The following SERINC5 variants were observed in gnomAD, a reference collection of about 807,000 sequenced individuals.
SERINC5 encodes chromosome 5 open reading frame 12.
A neutral mutation model predicts 63.1 loss-of-function variants in SERINC5; 41 were observed. The ratio of observed to expected loss-of-function variants is 0.65; its 90% CI spans 0.51 to 0.84. The LOEUF is 0.84. Ranked by LOEUF, SERINC5 falls within the 40% of genes least tolerant of loss-of-function variation. SERINC5 has a pLI of 0.00. For synonymous variants in SERINC5, 222 were observed against 215.2 expected, an observed-to-expected ratio of 1.03 and a Z score of -0.28; for missense variants, 523 against 573.0, an observed-to-expected ratio of 0.91 and a Z score of 0.89.
At chr5:80,131,380 C>T (rs1245520813) in intron 11 of SERINC5, among the ~76,000 whole-genome samples, 1 of 152,214 alleles carries the variant, frequency 6.6e-6, no homozygotes, top group Non-Finnish European at 1.5e-5. Flanking sequence ...ATCAATTAAA[C>T]CTTTTTCATT....
chr5:80,180,343 G>A (rs944965039), intron 2 of SERINC5, among the ~76,000 whole-genome samples: 1 of 152,054 alleles, frequency 6.6e-6, no homozygotes, highest in Non-Finnish European at 1.5e-5. Flanking sequence ...GAAAAATAAA[G>A]TATCACAGAG....
At chr5:80,173,245 GGAAGGAAGGA>G (rs879626399) in intron 5 of SERINC5, among the ~76,000 whole-genome samples, 2,012 of 143,704 alleles carry the variant, frequency 0.014, 39 homozygotes, top group African/African-American at 0.045. Context: ...AAGGAAGGAA[GGAAGGAAGGA>G]AGGAAGGAAG....
At chr5:80,157,029 G>T (rs1351068530) in intron 8 of SERINC5, 2 of 118,766 alleles carry the variant, frequency 1.7e-5, no homozygotes, top group African/African-American at 3.3e-5. Flanking sequence ...AGTTTCTCTC[G>T]TTACCCAGGC....
chr5:80,194,853 C>G (rs1359009359), intron 2 of SERINC5, among the ~76,000 whole-genome samples: 1 of 152,196 alleles, frequency 6.6e-6, no homozygotes, highest in Non-Finnish European at 1.5e-5. Context: ...GCCAGGCGAC[C>G]AGCAGCCCTG....
intron 1 of SERINC5, among the ~76,000 whole-genome samples, chr5:80,229,938 C>T (rs568424183): frequency 2.6e-5 from 4 of 152,132 alleles, no homozygotes; most frequent in East Asian, 1.9e-4. Context: ...TCAGTGTGCT[C>T]GAAAAGGAAG....
chr5:80,180,472 T>C (rs961893998), intron 2 of SERINC5, among the ~76,000 whole-genome samples: 11 of 152,198 alleles, frequency 7.2e-5, no homozygotes, highest in African/African-American at 2.7e-4. Context: ...ACGATTTCCA[T>C]AAACAAATGT....
chr5:80,175,169 T>C, intron 4 of SERINC5, 122 bp from the exon 5 acceptor site: 2 of 615,370 alleles, frequency 3.3e-6, no homozygotes, highest in South Asian at 2.1e-5. Flanking sequence ...CACACAACCA[T>C]ATAAGATATG....
chr5:80,148,189 C>CTTTTTTTTTTTTTTTTTTTTTTTTTT (rs796769914), intron 9 of SERINC5, among the ~76,000 whole-genome samples: 1 of 102,334 alleles, frequency 9.8e-6, no homozygotes, highest in African/African-American at 3.8e-5. Context: ...ATTTTTTATT[C>CTTTTTTTTTTTTTTTTTTTTTTTTTT]TTTTTTTTTT....
At chr5:80,161,036 GTATATATATA>G (rs538888494) in intron 7 of SERINC5, among the ~76,000 whole-genome samples, 20 of 124,848 alleles carry the variant, frequency 1.6e-4, no homozygotes, top group African/African-American at 7.7e-4. Context: ...ATACACACGT[GTATATATATA>G]TATGTATGTA....
At chr5:80,134,597 T>TGGAGGTTAGGAACAAATCA (rs1745082482), downstream of SERINC5, among the ~76,000 whole-genome samples, 2 of 152,236 alleles carry the variant, frequency 1.3e-5, no homozygotes, top group Admixed American at 1.3e-4. Context: ...AAGGACAGCT[T>TGGAGGTTAGGAACAAATCA]GGAGGTTAGG....
intron 1 of SERINC5, among the ~76,000 whole-genome samples, chr5:80,232,961 G>A (rs1235026551): frequency 6.6e-6 from 1 of 152,182 alleles, no homozygotes; most frequent in East Asian, 1.9e-4. Flanking sequence ...CCAGGGCTCT[G>A]AGGGAGTTTG....
intron 2 of SERINC5, among the ~76,000 whole-genome samples, chr5:80,179,365 A>G (rs1334159831): frequency 6.6e-6 from 1 of 152,224 alleles, no homozygotes; most frequent in Non-Finnish European, 1.5e-5. Context: ...GCAAAATCCC[A>G]TCACATTCTT....
chr5:80,245,345 G>A (rs1282156300), intron 1 of SERINC5, among the ~76,000 whole-genome samples: 1 of 152,114 alleles, frequency 6.6e-6, no homozygotes, highest in African/African-American at 2.4e-5. Flanking sequence ...CACTCTCCCC[G>A]TGCTCCCCTG....
Position 80,141,354 on chromosome 5 carries a change from C to T in SERINC5, c.*2309G>A, listed in dbSNP as rs1745493622. 9.1e-6 allele frequency: 9 copies of T among 985,342 alleles called. No individual in the cohort carries two copies. Among genetic ancestry groups the T allele is most frequent in the Non-Finnish European group, 1.1e-5 (9 of 829,956 alleles). The allele number at this position is 985,342 out of a possible 1,614,324, so 61.0% of individuals were successfully genotyped here. ...CGACGAGGGCCTTCTACCGGCCACACTCCCTTGCTTGGGCTTCCCTAAGCT... is the reference window on the plus strand; with the variant it reads ...CGACGAGGGCCTTCTACCGGCCACATTCCCTTGCTTGGGCTTCCCTAAGCT... On this transcript the variant is annotated 3_prime_UTR_variant, in exon 12 of 12. Transcript: ENST00000507668.
At chr5:80,227,047 C>G (rs533926821) in intron 1 of SERINC5, among the ~76,000 whole-genome samples, 1 of 152,146 alleles carries the variant, frequency 6.6e-6, no homozygotes, top group Non-Finnish European at 1.5e-5. Context: ...AGGTGCCCCC[C>G]ACCACGCCCG....
At chr5:80,233,381 C>T (rs931235423) in intron 1 of SERINC5, among the ~76,000 whole-genome samples, 1 of 152,080 alleles carries the variant, frequency 6.6e-6, no homozygotes, top group Non-Finnish European at 1.5e-5. Context: ...GAGCTGAGAT[C>T]GCACCATTGC....
At chr5:80,127,248 C>A (rs1237392538) in intron 11 of SERINC5, among the ~76,000 whole-genome samples, 1 of 152,188 alleles carries the variant, frequency 6.6e-6, no homozygotes, top group African/African-American at 2.4e-5. Context: ...TCTCCTTGAC[C>A]TCAAGAGTGG....
At chr5:80,115,700 CTTCTTT>C (rs1744301140) in intron 11 of SERINC5, among the ~76,000 whole-genome samples, 1 of 151,976 alleles carries the variant, frequency 6.6e-6, no homozygotes, top group Admixed American at 6.5e-5. Context: ...TTTACGTTTT[CTTCTTT>C]TAAGGTCTAA....
intron 1 of SERINC5, among the ~76,000 whole-genome samples, chr5:80,240,937 G>A (rs1055500165): frequency 8.5e-5 from 13 of 152,180 alleles, no homozygotes; most frequent in African/African-American, 3.1e-4. Flanking sequence ...TCCCCAAAAA[G>A]TGCTGGGATT....
Sources: allele counts gnomAD v4.1 joint callset (sites outside exome capture counted in the v4.1 genomes callset), GRCh38; gene constraint gnomAD v4.1.1; transcripts MANE v1.5; gene names NCBI Gene and HGNC (gene_info 2026-07-23, HGNC 2026-07-21).